Variants in NBAS observed in about 807,000 individuals in gnomAD.
The protein encoded by NBAS is NBAS subunit of NRZ tethering complex.
NBAS carries 219 observed loss-of-function variants against 302.5 expected under a neutral mutation model. The ratio of observed to expected loss-of-function variants is 0.72; its 90% CI spans 0.65 to 0.81. The LOEUF (loss-of-function observed/expected upper bound fraction) is 0.81. Ranked by LOEUF, NBAS falls within the 30% of genes least tolerant of loss-of-function variation. The pLI is 0.00. For missense variants in NBAS, 2,932 were observed against 2,841.6 expected (o/e 1.03, Z -0.72); for synonymous variants, 1,118 against 1,021.6 (o/e 1.09, Z -1.80).
the NBAS span, among the ~76,000 whole-genome samples, chr2:15,096,183 TCCTTCA>T: frequency 6.6e-6 from 1 of 152,230 alleles, no homozygotes; most frequent in South Asian, 2.1e-4. Context: ...TGAACAGTTG[TCCTTCA>T]CCTAAGGGTT....
chr2:15,235,791 G>T (rs952343960), intron 45 of NBAS, among the ~76,000 whole-genome samples: 4 of 152,188 alleles, frequency 2.6e-5, no homozygotes, highest in Admixed American at 6.5e-5. Flanking sequence ...GAAGCTGGGA[G>T]TTGGGCACAT....
At chr2:15,063,370 T>C in the NBAS span, among the ~76,000 whole-genome samples, 2,537 of 152,210 alleles carry the variant, frequency 0.017, 65 homozygotes, top group African/African-American at 0.059. Flanking sequence ...CACGGTGGTC[T>C]GACCCTCCTC....
At chr2:14,874,785 A>G in the NBAS span, among the ~76,000 whole-genome samples, 30,912 of 149,758 alleles carry the variant, frequency 0.21, 4,948 homozygotes, top group African/African-American at 0.46. Flanking sequence ...ATTTTTAAAT[A>G]TTTTCAAAGA....
the NBAS span, among the ~76,000 whole-genome samples, chr2:14,933,032 T>G: frequency 6.6e-6 from 1 of 152,230 alleles, no homozygotes; most frequent in Non-Finnish European, 1.5e-5. Context: ...ATTCCTGGCT[T>G]ATCATATACA....
intron 19 of NBAS, among the ~76,000 whole-genome samples, chr2:15,464,362 AC>A (rs1418923913): frequency 1.3e-5 from 2 of 151,850 alleles, no homozygotes; most frequent in Non-Finnish European, 2.9e-5. Context: ...CATTTTTCCA[AC>A]CCACCAAAAC....
At chr2:15,441,539 C>T (rs1352922955) in intron 21 of NBAS, among the ~76,000 whole-genome samples, 3 of 152,074 alleles carry the variant, frequency 2.0e-5, no homozygotes, top group Non-Finnish European at 4.4e-5. Context: ...CCGGTACCAG[C>T]TGCTGCAAAA....
intron 42 of NBAS, 34 bp downstream of exon 42, chr2:15,287,039 T>G: frequency 6.6e-7 from 1 of 1,506,298 alleles, no homozygotes; most frequent in Non-Finnish European, 9.2e-7. Context: ...AAGAAAGACA[T>G]GGAAACAAAC....
chr2:14,875,001 T>G, the NBAS span, among the ~76,000 whole-genome samples: 11 of 152,146 alleles, frequency 7.2e-5, no homozygotes, highest in Non-Finnish European at 1.2e-4. Flanking sequence ...GGACTTCTTA[T>G]TCTATGAAAA....
chr2:15,287,286 G>A (rs1572592727), intron 41 of NBAS, 103 bp from the exon 42 acceptor site: 3 of 831,266 alleles, frequency 3.6e-6, no homozygotes. Flanking sequence ...TGAGAGAGGT[G>A]CAAGCAGTGT....
chr2:15,478,280 C>T lies in NBAS; in HGVS notation c.1093G>A (p.Asp365Asn), dbSNP rs76459791. ...AGCCTCCAATCAGGATTAAGGTCAT[C>T]ATAGCCTGGCTAAATATGAAAATAA... Reference protein sequence around the residue: ...EWGQNEQPGYDDLNPDWRLST... With the variant: ...EWGQNEQPGYNDLNPDWRLST... The change falls in exon 13 of 52, where the codon GAT (aspartate) becomes AAT (asparagine). Residue 365 changes from aspartate (D) to asparagine (N), a missense_variant. By Grantham distance (23) the Asp-to-Asn change is conservative. Transcript: ENST00000281513. The T allele has an allele frequency of 1.2e-6, 2 of 1,610,410 alleles. No homozygotes were observed. Among genetic ancestry groups the T allele is most frequent in the Non-Finnish European group, 8.5e-7 (1 of 1,176,888 alleles).
At chr2:15,551,165 C>A (rs761044447) in intron 6 of NBAS, among the ~76,000 whole-genome samples, 24 of 152,100 alleles carry the variant, frequency 1.6e-4, no homozygotes, top group Non-Finnish European at 3.1e-4. Context: ...AAATCCTAGA[C>A]TTCTTACTAG....
the NBAS span, among the ~76,000 whole-genome samples, chr2:15,048,014 G>A: frequency 4.5e-4 from 63 of 141,556 alleles, no homozygotes; most frequent in East Asian, 2.0e-3. Context: ...TTAAGTTTGC[G>A]TTCAGCAAAT....
chr2:15,370,486 C>T (rs577349451), intron 31 of NBAS, among the ~76,000 whole-genome samples: 25 of 152,172 alleles, frequency 1.6e-4, no homozygotes, highest in African/African-American at 9.6e-5. Context: ...AAAATAGAGA[C>T]GGGTTTTGCC....
intron 9 of NBAS, among the ~76,000 whole-genome samples, chr2:15,515,380 C>T (rs1662340489): frequency 6.6e-6 from 1 of 152,144 alleles, no homozygotes. Context: ...GCCTGGAAAA[C>T]ATGTCTCTAC....
At chr2:15,455,375 C>T (rs1449655223) in intron 21 of NBAS, among the ~76,000 whole-genome samples, 1 of 151,808 alleles carries the variant, frequency 6.6e-6, no homozygotes, top group Non-Finnish European at 1.5e-5. Context: ...CGGACTATTC[C>T]AGTGCTAATT....
the NBAS span, among the ~76,000 whole-genome samples, chr2:14,883,180 G>A: frequency 1.5e-4 from 23 of 152,118 alleles, no homozygotes; most frequent in African/African-American, 5.1e-4. Flanking sequence ...AAAATGAAAA[G>A]AAGCTTCAAG....
chr2:14,852,752 C>T, the NBAS span, among the ~76,000 whole-genome samples: 1 of 148,608 alleles, frequency 6.7e-6, no homozygotes, highest in South Asian at 2.1e-4. Flanking sequence ...AAACAGAGCC[C>T]TCAGAAATAA....
chr2:14,898,098 C>T, the NBAS span, among the ~76,000 whole-genome samples: 2 of 152,140 alleles, frequency 1.3e-5, no homozygotes, highest in Admixed American at 6.5e-5. Context: ...CTACAGACTC[C>T]GCTAACTTGG....
At chr2:14,820,711 G>C in the NBAS span, among the ~76,000 whole-genome samples, 1 of 152,104 alleles carries the variant, frequency 6.6e-6, no homozygotes, top group Admixed American at 6.5e-5. Context: ...GAACTTTCAA[G>C]AAGAAGGGCA....
Sources: allele counts gnomAD v4.1 joint callset (sites outside exome capture counted in the v4.1 genomes callset), GRCh38; gene constraint gnomAD v4.1.1; transcripts MANE v1.5; gene names NCBI Gene and HGNC (gene_info 2026-07-23, HGNC 2026-07-21).